TMEM126B: variants seen among roughly 807,000 people sequenced by gnomAD.
TMEM126B encodes the protein transmembrane protein 126B.
In TMEM126B, 19 loss-of-function variants were observed where a neutral mutation model predicts 16.5. That is an observed-to-expected ratio of 1.15 (90% CI 0.80 to 1.69). The LOEUF (loss-of-function observed/expected upper bound fraction) is 1.69, where lower values mean the gene tolerates loss of function less well. Among genes scored for constraint, TMEM126B ranks in the 40% most tolerant of loss-of-function variants. TMEM126B has a pLI of 0.00. For missense variants in TMEM126B, 293 were observed against 278.7 expected (o/e 1.05, Z -0.37); for synonymous variants, 104 against 93.2 (o/e 1.12, Z -0.67).
intron 2 of TMEM126B, among the ~76,000 whole-genome samples, chr11:85,633,406 T>G (rs1417117587): frequency 6.6e-6 from 1 of 152,264 alleles, no homozygotes; most frequent in Non-Finnish European, 1.5e-5. Context: ...TGAACTAGTT[T>G]ACAGTCCCAC....
chr11:85,629,573 T>C (rs1339689053), intron 1 of TMEM126B, among the ~76,000 whole-genome samples: 3 of 152,034 alleles, frequency 2.0e-5, no homozygotes, highest in African/African-American at 7.2e-5. Flanking sequence ...GGGTGTAGAC[T>C]AGGTAGGAGA....
chr11:85,631,400 T>C (rs776554451), intron 1 of TMEM126B: 130 of 1,024,636 alleles, frequency 1.3e-4, no homozygotes, highest in Non-Finnish European at 1.5e-4. Context: ...ATAATCATTA[T>C]ACTACCAATT....
At chr11:85,631,021 T>G in intron 1 of TMEM126B, 4 of 602,386 alleles carry the variant, frequency 6.6e-6, no homozygotes, top group Non-Finnish European at 5.2e-6. Flanking sequence ...GATATATAAT[T>G]TATGTACTCC....
intron 1 of TMEM126B, among the ~76,000 whole-genome samples, chr11:85,630,350 T>G (rs2082268897): frequency 6.6e-6 from 1 of 152,206 alleles, no homozygotes; most frequent in Admixed American, 6.5e-5. Flanking sequence ...TCCTTAAATT[T>G]GAGATTTAGT....
rs138598308 is a variant in TMEM126B at position 85,633,973 on chromosome 11, A to G, written c.204-113A>G. ...CACTTAGAAAATACTTTTCACATAT[A>G]GTAAGTGCTCAAGAAATATTTGATA... On this transcript the variant is annotated intron_variant, in intron 2 of 4. Coordinates refer to ENST00000358867, the MANE Select transcript of TMEM126B (RefSeq NM_018480.7). The G allele has an allele frequency of 8.5e-5, 60 of 708,670 alleles. No individual in the cohort carries two copies. The East Asian group carries it at 1.5e-3, about 17-fold the overall frequency. 43.9% of individuals were successfully genotyped at this position (708,670 alleles called of 1,614,324 possible). A position where few individuals can be genotyped will look rare whatever the true frequency, so the allele number is the denominator to read the frequency against.
At chr11:85,633,316 C>T (rs1375734496) in intron 2 of TMEM126B, among the ~76,000 whole-genome samples, 1 of 152,074 alleles carries the variant, frequency 6.6e-6, no homozygotes, top group Non-Finnish European at 1.5e-5. Flanking sequence ...GGGTATATAC[C>T]CAGTAATGGG....
intron 1 of TMEM126B, chr11:85,629,133 T>C (rs1052070065): frequency 2.1e-6 from 2 of 964,950 alleles, no homozygotes; most frequent in Non-Finnish European, 2.9e-6. Flanking sequence ...AATTGCCAGC[T>C]TTTTTGTTCT....
chr11:85,631,447 G>A, intron 1 of TMEM126B: 2 of 846,408 alleles, frequency 2.4e-6, no homozygotes, highest in Non-Finnish European at 3.2e-6. Flanking sequence ...GCCAATGTCT[G>A]TATTGTAGGA....
At chr11:85,634,033 T>C in intron 2 of TMEM126B, 53 bp from the exon 3 acceptor site, 1 of 1,263,810 alleles carries the variant, frequency 7.9e-7, no homozygotes, top group South Asian at 1.3e-5. Flanking sequence ...GGAGAGGCTG[T>C]ATCCATTAAG....
chr11:85,635,821 C>CTTTTTTTTTTTTT (rs58671332), intron 4 of TMEM126B, 43 bp downstream of exon 4: 23 of 869,710 alleles, frequency 2.6e-5, no homozygotes, highest in East Asian at 9.2e-5. Context: ...CTTTTCTTTT[C>CTTTTTTTTTTTTT]TTTTTTTTTT....
Position 85,634,108 on chromosome 11 carries a change from G to C in TMEM126B, c.226G>C (p.Ala76Pro), listed in dbSNP as rs1213390640. 1 of 1,612,786 alleles carries C rather than the reference G, an allele frequency of 6.2e-7. No individual in the cohort carries two copies. Among genetic ancestry groups the C allele is most frequent in the Non-Finnish European group, 8.5e-7 (1 of 1,179,668 alleles). The stretch of plus-strand genomic sequence containing the variant: ...TAGGACACAAAATATATATCAAATG[G>C]CGACATTTGGAACAACAGCTGGTTT... ...KEMTQNIYQMATFGTTAGFSG... is the reference protein window; with the variant it reads ...KEMTQNIYQMPTFGTTAGFSG... Residue 76 changes from alanine (A) to proline (P), a missense_variant, in exon 3 of 5, where the codon GCG becomes CCG. Transcript: ENST00000358867.
intron 1 of TMEM126B, 24 bp downstream of exon 1, chr11:85,628,712 T>TG (rs945381798): frequency 4.6e-6 from 7 of 1,533,874 alleles, no homozygotes; most frequent in Middle Eastern, 1.7e-4. Flanking sequence ...CGAAGTGGTA[T>TG]GGGGGGTGAT....
intron 2 of TMEM126B, among the ~76,000 whole-genome samples, chr11:85,632,760 C>A (rs1399507246): frequency 1.3e-5 from 2 of 151,944 alleles, no homozygotes; most frequent in Non-Finnish European, 2.9e-5. Flanking sequence ...TGGAATACTT[C>A]CAACATCCCC....
At chr11:85,633,607 A>C (rs1303850061) in intron 2 of TMEM126B, among the ~76,000 whole-genome samples, 1 of 152,236 alleles carries the variant, frequency 6.6e-6, no homozygotes, top group Non-Finnish European at 1.5e-5. Flanking sequence ...TCTTCTTTTG[A>C]GAAGTGTCTG....
chr11:85,635,013 C>T (rs1348498589), intron 3 of TMEM126B: 1 of 152,192 alleles, frequency 6.6e-6, no homozygotes, highest in African/African-American at 2.4e-5. Context: ...GAGATCAGGT[C>T]TCTTTTATGT....
chr11:85,635,705 C>T lies in TMEM126B; in HGVS notation c.436C>T (p.Leu146=), dbSNP rs201010232. 137 of 1,607,256 alleles carry T rather than the reference C, an allele frequency of 8.5e-5. No individual in the cohort carries two copies. The highest frequency in any genetic ancestry group is 1.1e-4 in the Non-Finnish European group (125 of 1,178,498). Reference sequence around the variant, plus strand: ...GGAAAACTGTGTTTTCAGAAGCTCACTGATTGGCATAGTTTGTGGTGTTTT... The same window carrying T: ...GGAAAACTGTGTTTTCAGAAGCTCATTGATTGGCATAGTTTGTGGTGTTTT... The part of the protein sequence containing the change: ...SKENCVFRSS[L]IGIVCGVFYP... Residue 146 remains leucine, a synonymous_variant, in exon 4 of 5, where the codon CTG becomes TTG. Coordinates refer to ENST00000358867, the MANE Select transcript of TMEM126B (RefSeq NM_018480.7).
Position 85,634,191 on chromosome 11 carries a change from T to C in TMEM126B, c.309T>C (p.Ala103=). 1 of 1,613,524 alleles carries C rather than the reference T, an allele frequency of 6.2e-7. No individual in the cohort carries two copies. Among genetic ancestry groups the C allele is most frequent in the Non-Finnish European group, 8.5e-7 (1 of 1,179,538 alleles). Residue 103 remains alanine, a synonymous_variant, in exon 3 of 5, where the codon GCT becomes GCC. Coordinates refer to ENST00000358867, the MANE Select transcript of TMEM126B (RefSeq NM_018480.7). The part of the protein sequence containing the change: ...FRRCFKVKHD[A]LKTYASLATL... ...GCTGCTTCAAGGTTAAACATGATGCTTTGAAGACATATGCATCATTGGCTA... is the reference window on the plus strand; with the variant it reads ...GCTGCTTCAAGGTTAAACATGATGCCTTGAAGACATATGCATCATTGGCTA...
chr11:85,631,042 C>G, intron 1 of TMEM126B: 1 of 832,212 alleles, frequency 1.2e-6, no homozygotes, highest in Non-Finnish European at 1.7e-6. Context: ...AAAGTAGTAG[C>G]CACAATCCAC....
Position 85,631,668 on chromosome 11 carries a change from C to G in TMEM126B, c.82-19C>G. ...ATGAATATCATTAGCTATTATGGCT[C>G]TGGAATTTTTTTTTCCAGGTTTTCA... On this transcript the variant is annotated intron_variant, in intron 1 of 4. Coordinates refer to ENST00000358867, the MANE Select transcript of TMEM126B (RefSeq NM_018480.7). 6.3e-7 allele frequency: 1 copy of G among 1,593,782 alleles called. No homozygotes were observed. The highest frequency in any genetic ancestry group is 8.5e-7 in the Non-Finnish European group (1 of 1,176,728).
Sources: gnomAD v4.1 joint callset for allele counts (sites outside exome capture counted in the v4.1 genomes callset) on GRCh38, gnomAD v4.1.1 for gene constraint, MANE v1.5 for transcripts, NCBI Gene and HGNC (gene_info 2026-07-23, HGNC 2026-07-21) for gene names.